The following FAM221B variants were observed in gnomAD, a reference collection of about 807,000 sequenced individuals.
FAM221B encodes protein FAM221B.
Under a neutral mutation model 39.8 loss-of-function variants are expected in FAM221B, and 35 were observed. The observed-to-expected ratio is 0.88, with a 90% confidence interval of 0.67 to 1.17. FAM221B has a LOEUF of 1.17. Ranked by LOEUF, FAM221B falls within the 50% of genes most tolerant of loss-of-function variation. The pLI is 0.00. For synonymous variants in FAM221B, 158 were observed against 178.1 expected, an observed-to-expected ratio of 0.89 and a Z score of 0.90; for missense variants, 479 against 503.1, an observed-to-expected ratio of 0.95 and a Z score of 0.46.
Position 35,816,998 on chromosome 9 carries a change from A to C in FAM221B, c.*1471T>G, listed in dbSNP as rs1486472799. 6.6e-6 allele frequency: 1 copy of C among 152,236 alleles called. No homozygotes were observed. Among genetic ancestry groups the C allele is most frequent in the Non-Finnish European group, 1.5e-5 (1 of 68,024 alleles). The allele number at this position is 152,236 out of a possible 1,614,324, so 9.4% of individuals were successfully genotyped here. A position where few individuals can be genotyped will look rare whatever the true frequency, so the allele number is the denominator to read the frequency against. The stretch of plus-strand genomic sequence containing the variant: ...ATCTGGGATCTAGGAAGAGGAAGGA[A>C]GCCAGTCTGGAGGATAGGTGGATAC... On this transcript the variant is annotated 3_prime_UTR_variant, in exon 7 of 7. Transcript: ENST00000423537.
In FAM221B at chr9:35,825,912, G is replaced by T. The variant is rs754494521; in HGVS notation, c.250C>A (p.Pro84Thr). 7 of 1,613,936 alleles carry T rather than the reference G, an allele frequency of 4.3e-6. No homozygotes were observed. The highest frequency in any genetic ancestry group is 5.1e-6 in the Non-Finnish European group (6 of 1,179,962). The change falls in exon 2 of 7, where the codon CCT (proline) becomes ACT (threonine). Residue 84 changes from proline to threonine, a missense_variant. By Grantham distance (38) the Pro-to-Thr change is conservative (BLOSUM62 -1). Transcript: ENST00000423537. This position sits in a 1 kb window ranked among gnomAD's most constrained non-coding sequence, Gnocchi z 4.2. ...GCCTCATAGGTAGGGGTCTCTGAAG[G>T]AGTCTCAGAGATGGAAGGCTCCTGA... The part of the protein sequence containing the change: ...THQEPSISET[P>T]SETPTYEASL...
chr9:35,828,505 A>C lies in FAM221B; in HGVS notation c.-43T>G. 1 of 985,450 alleles carries C rather than the reference A, an allele frequency of 1.0e-6. No individual in the cohort carries two copies. Among genetic ancestry groups the C allele is most frequent in the Middle Eastern group, 5.2e-4 (1 of 1,914 alleles). 61.0% of individuals were successfully genotyped at this position (985,450 alleles called of 1,614,324 possible). ...GGTTGTTACAAGTCCTTAGGTCAAG[A>C]CCTTGACTTAGGATGGCAGGGGGAG... On this transcript the variant is annotated 5_prime_UTR_variant, in exon 1 of 7. Coordinates refer to ENST00000423537, the MANE Select transcript of FAM221B (RefSeq NM_001012446.4). This position sits in a 1 kb window ranked among gnomAD's most constrained non-coding sequence, Gnocchi z 4.5.
rs1829159840 is a variant in FAM221B at position 35,821,913 on chromosome 9, C to A, written c.743-1913G>T. 2.0e-5 allele frequency among the ~76,000 whole-genome samples: 3 copies of A among 152,196 alleles called. 1 individual carries two copies. Among genetic ancestry groups the A allele is most frequent in the Admixed American group, 2.0e-4 (3 of 15,276 alleles). ...AAACTCCCTTCCTGTTGTGGGTGGA[C>A]AAGGCCTGGCGGGGGAGGAGACATT... On this transcript the variant is annotated intron_variant, in intron 3 of 6. Coordinates refer to ENST00000423537, the MANE Select transcript of FAM221B (RefSeq NM_001012446.4).
At position 35,818,173 on chromosome 9, in the gene FAM221B, G is replaced by A; in HGVS notation, c.*296C>T. The A allele has an allele frequency of 2.3e-6, 1 of 426,288 alleles. No individual in the cohort carries two copies. Among genetic ancestry groups the A allele is most frequent in the Non-Finnish European group, 4.3e-6 (1 of 232,126 alleles). 26.4% of individuals were successfully genotyped at this position (426,288 alleles called of 1,614,324 possible). ...AGATCTTCTAATTGCAAAACCCAAT[G>A]GACACTTTTCAGTCTTTATCTTATT... is the stretch of plus-strand genomic sequence containing the variant. On this transcript the variant is annotated 3_prime_UTR_variant, in exon 7 of 7. Coordinates refer to ENST00000423537, the MANE Select transcript of FAM221B (RefSeq NM_001012446.4).
intron 1 of FAM221B, among the ~76,000 whole-genome samples, chr9:35,827,379 G>A (rs138948517): frequency 1.3e-4 from 20 of 152,220 alleles, no homozygotes; most frequent in African/African-American, 4.3e-4. Context: ...ATGGATTTAT[G>A]TAACTTATAC....
Position 35,819,989 on chromosome 9 carries a change from C to T in FAM221B, c.754G>A (p.Gly252Ser). 6.2e-7 allele frequency: 1 copy of T among 1,612,840 alleles called. No homozygotes were observed. ...CATAGGTAATGGGGGCAGCGCCAGCCAATGTAGAGACCTAGGTATGCAGGA... is the reference window on the plus strand; with the variant it reads ...CATAGGTAATGGGGGCAGCGCCAGCTAATGTAGAGACCTAGGTATGCAGGA... ...LNAIQTGLYI[G>S]WRCPHYLWDC... Residue 252 changes from glycine to serine, a missense_variant, in exon 4 of 7, where the codon GGC becomes AGC. Transcript: ENST00000423537.
intron 4 of FAM221B, among the ~76,000 whole-genome samples, 185 bp from the exon 5 acceptor site, chr9:35,819,579 G>A (rs954973428): frequency 4.0e-5 from 6 of 151,470 alleles, no homozygotes; most frequent in Non-Finnish European, 7.4e-5. Context: ...TGCAACTTCC[G>A]CCTCCTGGCT....
intron 1 of FAM221B, among the ~76,000 whole-genome samples, chr9:35,827,221 C>G (rs1829401624): frequency 6.6e-6 from 1 of 152,218 alleles, no homozygotes; most frequent in Non-Finnish European, 1.5e-5. Context: ...ACCAATAACT[C>G]TATTTCCTAT....
At chr9:35,827,529 C>T (rs925842720) in intron 1 of FAM221B, among the ~76,000 whole-genome samples, 10 of 152,170 alleles carry the variant, frequency 6.6e-5, no homozygotes, top group East Asian at 3.8e-4. Context: ...GTCTAGGATA[C>T]GGTGGGGAGG....
In FAM221B at chr9:35,825,676, G is replaced by T. The variant is rs770984765; in HGVS notation, c.486C>A (p.Ser162=). The part of the protein sequence containing the change: ...LPEHCLSGPS[S]QVQVDTTEKQ... Reference sequence around the variant, plus strand: ...TTTCGGTTGTGTCCACTTGGACCTGGGATGAAGGGCCTGAAAGACAGTGTT... The same window carrying T: ...TTTCGGTTGTGTCCACTTGGACCTGTGATGAAGGGCCTGAAAGACAGTGTT... Residue 162 remains serine (S), a synonymous_variant, in exon 2 of 7, where the codon TCC becomes TCA. Transcript: ENST00000423537. The surrounding 1 kb of genome is among the most constrained non-coding windows in gnomAD (Gnocchi z 4.2). 1.2e-6 allele frequency: 2 copies of T among 1,614,194 alleles called. No individual in the cohort carries two copies. Among genetic ancestry groups the T allele is most frequent in the Admixed American group, 3.3e-5 (2 of 60,020 alleles).
Position 35,818,392 on chromosome 9 carries a change from G to A in FAM221B, c.*77C>T. 2 of 1,354,904 alleles carry A rather than the reference G, an allele frequency of 1.5e-6. No individual in the cohort carries two copies. Among genetic ancestry groups the A allele is most frequent in the Admixed American group, 3.9e-5 (2 of 50,704 alleles). The allele number at this position is 1,354,904 out of a possible 1,614,324, so 83.9% of individuals were successfully genotyped here. On this transcript the variant is annotated 3_prime_UTR_variant, in exon 7 of 7. Transcript: ENST00000423537. ...TAAGTTATTAGGCAGTCTCTCCCTG[G>A]GCTGGGATCTACCTGCCCCATATAG...
At position 35,826,054 on chromosome 9, in the gene FAM221B, A is replaced by G; in HGVS notation, c.108T>C (p.Ser36=). 1 of 1,614,122 alleles carries G rather than the reference A, an allele frequency of 6.2e-7. No homozygotes were observed. The highest frequency in any genetic ancestry group is 8.5e-7 in the Non-Finnish European group (1 of 1,179,992). The change falls in exon 2 of 7, where the codon TCT becomes TCC. Residue 36 remains serine, a synonymous_variant. Transcript: ENST00000423537. ...AGGTGGAAGGCTTCAAGAAGCTTTC[A>G]GAGATATGGTTCTCCTGTAAGTCCT... The part of the protein sequence containing the change: ...SAEDLQENHI[S]ESFLKPSTSE...
intron 3 of FAM221B, chr9:35,821,439 CA>C (rs1829147984): frequency 7.3e-7 from 1 of 1,367,670 alleles, no homozygotes; most frequent in African/African-American, 1.5e-5. Context: ...TTGTCTTACC[CA>C]TAGTCTGTCA....
intron 3 of FAM221B, among the ~76,000 whole-genome samples, chr9:35,822,436 C>G (rs1317161867): frequency 6.6e-6 from 1 of 152,066 alleles, no homozygotes; most frequent in African/African-American, 2.4e-5. Context: ...TTGACAGAGT[C>G]TCGCTCTGTT....
chr9:35,822,239 C>T (rs1361734237), intron 3 of FAM221B, among the ~76,000 whole-genome samples: 1 of 152,192 alleles, frequency 6.6e-6, no homozygotes, highest in Non-Finnish European at 1.5e-5. Context: ...GCCTACCAAG[C>T]ATCTACCCTT....
intron 1 of FAM221B, 27 bp from the exon 2 acceptor site, chr9:35,826,188 C>T: frequency 6.5e-7 from 1 of 1,527,200 alleles, no homozygotes; most frequent in Non-Finnish European, 8.8e-7. Context: ...GTACAGGCTT[C>T]ATTAGGTTGG....
intron 1 of FAM221B, 24 bp from the exon 2 acceptor site, chr9:35,826,185 C>T: frequency 6.5e-7 from 1 of 1,530,908 alleles, no homozygotes; most frequent in Non-Finnish European, 8.8e-7. Flanking sequence ...AGGGTACAGG[C>T]TTCATTAGGT....
chr9:35,827,558 C>T (rs1374277212), intron 1 of FAM221B, among the ~76,000 whole-genome samples: 1 of 152,156 alleles, frequency 6.6e-6, no homozygotes, highest in African/African-American at 2.4e-5. Flanking sequence ...CCTAATTTAT[C>T]CTGCAAGGAT....
chr9:35,817,928 C>G lies in FAM221B; in HGVS notation c.*541G>C, dbSNP rs1241119299. 6.5e-6 allele frequency: 1 copy of G among 154,338 alleles called. No individual in the cohort carries two copies. Among genetic ancestry groups the G allele is most frequent in the East Asian group, 1.9e-4 (1 of 5,242 alleles). The allele number at this position is 154,338 out of a possible 1,614,324, so 9.6% of individuals were successfully genotyped here. A position where few individuals can be genotyped will look rare whatever the true frequency, so the allele number is the denominator to read the frequency against. On this transcript the variant is annotated 3_prime_UTR_variant, in exon 7 of 7. Transcript: ENST00000423537. ...TCTTGTCTCACCAGGCATCTCTTCT[C>G]TCTCTTCTGGGTCCTTCAAGGTCCT... is the stretch of plus-strand genomic sequence containing the variant.
Sources: gnomAD v4.1 joint callset for allele counts (sites outside exome capture counted in the v4.1 genomes callset) on GRCh38, gnomAD v4.1.1 for gene constraint, Gnocchi (gnomAD v3.1) non-coding constraint, MANE v1.5 for transcripts, NCBI Gene and HGNC (gene_info 2026-07-23, HGNC 2026-07-21) for gene names.